Variants in TLK2 observed in about 807,000 individuals in gnomAD.
TLK2 encodes the protein serine/threonine-protein kinase tousled-like 2.
In TLK2, 6 loss-of-function variants were observed where a neutral mutation model predicts 117.3. That is an observed-to-expected ratio of 0.05 (90% CI 0.03 to 0.10). The LOEUF is 0.10. Among genes scored for constraint, TLK2 ranks in the 10% least tolerant of loss-of-function variants. The pLI is 1.00. For synonymous variants in TLK2, 257 were observed against 316.7 expected, an observed-to-expected ratio of 0.81 and a Z score of 2.00; for missense variants, 299 against 901.2, an observed-to-expected ratio of 0.33 and a Z score of 8.56.
At position 62,522,961 on chromosome 17, in the gene TLK2, A is replaced by G. The variant is rs574976089; in HGVS notation, c.224-173A>G. ...CACTGCTTGTTCAGTCCTTTATTTT[A>G]TGGAGGAAATAGTCTGTTCTTGGGC... On this transcript the variant is annotated intron_variant, in intron 4 of 21. Transcript: ENST00000346027. Among the ~76,000 whole-genome samples, 49 of 152,294 alleles carry G rather than the reference A, an allele frequency of 3.2e-4. 1 individual carries two copies. The South Asian group carries it at 9.3e-3, about 29-fold the overall frequency.
At chr17:62,578,709 A>G (rs2080994129) in intron 14 of TLK2, 135 bp downstream of exon 14, 4 of 625,752 alleles carry the variant, frequency 6.4e-6, no homozygotes, top group Non-Finnish European at 1.1e-5. Context: ...CTTTTGTAGC[A>G]TCTAATACAA....
rs1404351659 is a variant in TLK2 at position 62,580,189 on chromosome 17, C to G, written c.1365C>G (p.Tyr455Ter). 1 of 1,609,654 alleles carries G rather than the reference C, an allele frequency of 6.2e-7. No individual in the cohort carries two copies. Residue 455 changes from tyrosine (Y) to a stop codon, truncating the protein, a stop_gained, in exon 15 of 22, where the codon TAC becomes TAG. Coordinates refer to ENST00000346027, the MANE Select transcript of TLK2 (RefSeq NM_006852.6). LOFTEE classifies it high-confidence loss of function. ...GTAGAGGAGGTTTCAGTGAAGTTTA[C>G]AAGGTAAGTATAAGGAACTGGATAC... ...LLGRGGFSEV[Y>*]KAFDLTEQRY...
chr17:62,572,061 T>C lies in TLK2; in HGVS notation c.969-1154T>C, dbSNP rs1214828239. Reference sequence around the variant, plus strand: ...GGCGCACACCTGTAATCCCAGCTATTAGGGAGGCTGAGGCACGAGAATCAC... The same window carrying C: ...GGCGCACACCTGTAATCCCAGCTATCAGGGAGGCTGAGGCACGAGAATCAC... On this transcript the variant is annotated intron_variant, in intron 11 of 21. Transcript: ENST00000346027. 9.9e-5 allele frequency among the ~76,000 whole-genome samples: 15 copies of C among 151,078 alleles called. No homozygotes were observed. In the Admixed American group the frequency reaches 9.9e-4, roughly 10 times the overall value.
chr17:62,594,146 G>A (rs922305180), intron 16 of TLK2, among the ~76,000 whole-genome samples: 1 of 151,878 alleles, frequency 6.6e-6, no homozygotes, highest in Non-Finnish European at 1.5e-5. Context: ...CGTGGCTCAT[G>A]CCTGTAATCC....
intron 6 of TLK2, among the ~76,000 whole-genome samples, chr17:62,531,940 G>C (rs184717979): frequency 1.3e-3 from 205 of 152,278 alleles, no homozygotes; most frequent in African/African-American, 4.6e-3. Context: ...TGGAGGCCCA[G>C]CTTGAAGTGG....
At chr17:62,600,062 G>A (rs1213402888) in intron 17 of TLK2, among the ~76,000 whole-genome samples, 4 of 152,222 alleles carry the variant, frequency 2.6e-5, no homozygotes, top group Non-Finnish European at 5.9e-5. Context: ...TTGTAGTGCA[G>A]TATTGTGCCA....
At chr17:62,493,033 G>A (rs559180304) in intron 2 of TLK2, among the ~76,000 whole-genome samples, 1 of 152,044 alleles carries the variant, frequency 6.6e-6, no homozygotes, top group East Asian at 1.9e-4. Context: ...GGAGGTGGAG[G>A]TTGCAGTGAG....
intron 2 of TLK2, among the ~76,000 whole-genome samples, chr17:62,483,617 C>T (rs528750133): frequency 6.6e-6 from 1 of 152,304 alleles, no homozygotes; most frequent in South Asian, 2.1e-4. Flanking sequence ...ATTCTCCTGC[C>T]TCAGCCTATA....
chr17:62,588,004 ATACATCTGTATATGTATAAAATATACG>A (rs2081762704), intron 16 of TLK2, among the ~76,000 whole-genome samples: 1 of 144,430 alleles, frequency 6.9e-6, no homozygotes, highest in Non-Finnish European at 1.5e-5. Context: ...AAATATACGT[ATACATCTGTATATGTATAAAATATACG>A]TATACATCTG....
chr17:62,559,691 AATT>A (rs1446384279), intron 9 of TLK2, among the ~76,000 whole-genome samples: 10 of 151,954 alleles, frequency 6.6e-5, no homozygotes, highest in African/African-American at 2.4e-4. Context: ...ACATTTTTTT[AATT>A]ATTATTTTGT....
intron 15 of TLK2, among the ~76,000 whole-genome samples, chr17:62,585,352 A>G (rs1298732495): frequency 6.6e-6 from 1 of 152,236 alleles, no homozygotes; most frequent in East Asian, 1.9e-4. Flanking sequence ...AGCCTGACCA[A>G]CATGGTGAAA....
At chr17:62,607,315 C>T (rs372781144) in intron 20 of TLK2, among the ~76,000 whole-genome samples, 8 of 149,606 alleles carry the variant, frequency 5.3e-5, no homozygotes, top group African/African-American at 1.5e-4. Flanking sequence ...ATCAGGAGAT[C>T]GAGACCATCC....
At chr17:62,554,307 G>T (rs1053458709) in intron 9 of TLK2, among the ~76,000 whole-genome samples, 12 of 152,200 alleles carry the variant, frequency 7.9e-5, no homozygotes, top group African/African-American at 2.9e-4. Flanking sequence ...GGACATGGTG[G>T]TTCACACCTG....
At chr17:62,482,446 G>A (rs1373014090) in intron 2 of TLK2, among the ~76,000 whole-genome samples, 1 of 142,624 alleles carries the variant, frequency 7.0e-6, no homozygotes, top group Non-Finnish European at 1.5e-5. Flanking sequence ...TAGCTTGATA[G>A]GGTTTTGTTT....
intron 21 of TLK2, among the ~76,000 whole-genome samples, chr17:62,610,379 T>A (rs1444716669): frequency 6.6e-6 from 1 of 152,226 alleles, no homozygotes; most frequent in Non-Finnish European, 1.5e-5. Context: ...ATCGAATATG[T>A]AGCAGTGAAC....
At chr17:62,472,981 C>T (rs2070969802) in intron 1 of TLK2, among the ~76,000 whole-genome samples, 1 of 152,168 alleles carries the variant, frequency 6.6e-6, no homozygotes, top group Admixed American at 6.6e-5. Context: ...ACACACCACA[C>T]CACAAATTGT....
At chr17:62,603,846 G>T (rs2147210574) in intron 19 of TLK2, among the ~76,000 whole-genome samples, 1 of 152,068 alleles carries the variant, frequency 6.6e-6, no homozygotes, top group African/African-American at 2.4e-5. Context: ...TCTCCAAATT[G>T]GTAGAAATAC....
intron 7 of TLK2, among the ~76,000 whole-genome samples, chr17:62,538,683 G>T (rs773417302): frequency 6.6e-6 from 1 of 152,204 alleles, no homozygotes; most frequent in Admixed American, 6.5e-5. Context: ...TTGTTCTCAT[G>T]TGGAAAGAGG....
intron 7 of TLK2, among the ~76,000 whole-genome samples, chr17:62,543,322 A>T (rs528423610): frequency 6.6e-6 from 1 of 152,222 alleles, no homozygotes; most frequent in African/African-American, 2.4e-5. Flanking sequence ...ACATTCATGT[A>T]TAAGACTTTG....
Sources: allele counts gnomAD v4.1 joint callset (sites outside exome capture counted in the v4.1 genomes callset), GRCh38; gene constraint gnomAD v4.1.1; transcripts MANE v1.5; gene names NCBI Gene and HGNC (gene_info 2026-07-23, HGNC 2026-07-21).